SCAPER: variants seen among roughly 807,000 people sequenced by gnomAD.
The protein encoded by SCAPER is S phase cyclin A-associated protein in the endoplasmic reticulum.
A neutral mutation model predicts 182.2 loss-of-function variants in SCAPER; 98 were observed. That is an observed-to-expected ratio of 0.54 (90% confidence interval 0.46 to 0.64). The LOEUF (loss-of-function observed/expected upper bound fraction) is 0.64. SCAPER is among the 30% of genes least tolerant of loss of function. The pLI is 0.00. For missense variants in SCAPER, 1,432 were observed against 1,690.0 expected, an observed-to-expected ratio of 0.85 and a Z score of 2.68; for synonymous variants, 605 against 564.6, an observed-to-expected ratio of 1.07 and a Z score of -1.01.
intron 22 of SCAPER, among the ~76,000 whole-genome samples, chr15:76,607,205 A>G (rs2050505721): frequency 6.6e-6 from 1 of 152,218 alleles, no homozygotes; most frequent in South Asian, 2.1e-4. Flanking sequence ...CTTTTAGGGC[A>G]GGCCTGGTGG....
chr15:76,682,384 G>A (rs1157541120), intron 20 of SCAPER, among the ~76,000 whole-genome samples: 1 of 151,348 alleles, frequency 6.6e-6, no homozygotes, highest in Admixed American at 6.6e-5. Context: ...TGCCATCATT[G>A]CCAGTTTGAA....
chr15:76,441,241 CACAA>C (rs2047576899), intron 25 of SCAPER, among the ~76,000 whole-genome samples: 1 of 151,918 alleles, frequency 6.6e-6, no homozygotes, highest in South Asian at 2.1e-4. Context: ...CTTTTTATGC[CACAA>C]ACAATGTTAT....
intron 23 of SCAPER, among the ~76,000 whole-genome samples, chr15:76,537,591 G>C (rs1024594301): frequency 6.6e-6 from 1 of 152,018 alleles, no homozygotes; most frequent in Non-Finnish European, 1.5e-5. Context: ...AGACTTAAAG[G>C]TTAGACCTAA....
intron 2 of SCAPER, among the ~76,000 whole-genome samples, chr15:76,865,572 T>C (rs2072224878): frequency 6.6e-6 from 1 of 152,114 alleles, no homozygotes; most frequent in African/African-American, 2.4e-5. Context: ...TAGTATATCA[T>C]ACTTTCATAC....
intron 8 of SCAPER, among the ~76,000 whole-genome samples, chr15:76,785,048 A>G (rs756495478): frequency 3.9e-5 from 6 of 152,246 alleles, no homozygotes; most frequent in Non-Finnish European, 8.8e-5. Flanking sequence ...CTTAAACTAA[A>G]GAGCTTCTGC....
At chr15:76,681,685 G>A (rs1170103927) in intron 20 of SCAPER, among the ~76,000 whole-genome samples, 2 of 152,156 alleles carry the variant, frequency 1.3e-5, no homozygotes, top group African/African-American at 4.8e-5. Flanking sequence ...GATGAGTTGA[G>A]GAGGCAAGGA....
chr15:76,876,498 C>A (rs1403082479), intron 2 of SCAPER, among the ~76,000 whole-genome samples: 2 of 149,714 alleles, frequency 1.3e-5, no homozygotes, highest in Non-Finnish European at 3.0e-5. Flanking sequence ...CATAAACGTA[C>A]TTGCAAATTG....
In SCAPER at chr15:76,771,867, T is replaced by A; in HGVS notation, c.1123A>T (p.Ile375Phe). The stretch of plus-strand genomic sequence containing the variant: ...ATAACTGAAACACACTCTGTATCAA[T>A]GTGGACAGCAGATATTTCAGAAGTT... ...VRTSEISAVH[I>F]DTECVSVMLQ... The change falls in exon 10 of 32, where the codon ATT becomes TTT. Residue 375 changes from isoleucine (I) to phenylalanine (F), a missense_variant. Physicochemically the swap from Ile to Phe is conservative, Grantham distance 21 (BLOSUM62 0). Transcript: ENST00000563290. 1 of 1,613,196 alleles carries A rather than the reference T, an allele frequency of 6.2e-7. No homozygotes were observed. The highest frequency in any genetic ancestry group is 8.5e-7 in the Non-Finnish European group (1 of 1,179,408).
chr15:76,715,352 C>T (rs2059832422), intron 17 of SCAPER, among the ~76,000 whole-genome samples: 1 of 152,068 alleles, frequency 6.6e-6, no homozygotes, highest in Non-Finnish European at 1.5e-5. Context: ...TGGGGCTGAC[C>T]AGATATGGCA....
chr15:76,790,824 G>T (rs1380230863), intron 8 of SCAPER, among the ~76,000 whole-genome samples: 1 of 152,096 alleles, frequency 6.6e-6, no homozygotes, highest in Non-Finnish European at 1.5e-5. Flanking sequence ...CTCACCTATA[G>T]TTTATTTCAT....
chr15:76,729,094 C>T lies in SCAPER; in HGVS notation c.2023-357G>A, dbSNP rs116503506. Among the ~76,000 whole-genome samples, 334 of 152,160 alleles carry T rather than the reference C, an allele frequency of 2.2e-3. 1 individual carries two copies. The highest frequency in any genetic ancestry group is 7.7e-3 in the African/African-American group (320 of 41,524). ...ACTGGCCTAGCCTACCAGCCTACAT[C>T]CTTCAGCCGTGCTGGATGCTTCCTG... On this transcript the variant is annotated intron_variant, in intron 16 of 31. Coordinates refer to ENST00000563290, the MANE Select transcript of SCAPER (RefSeq NM_020843.4).
intron 25 of SCAPER, among the ~76,000 whole-genome samples, chr15:76,470,619 T>C (rs565606452): frequency 1.3e-5 from 2 of 152,312 alleles, no homozygotes; most frequent in South Asian, 4.1e-4. Flanking sequence ...TCCTGGCGAC[T>C]GCAGTTGACA....
intron 24 of SCAPER, among the ~76,000 whole-genome samples, chr15:76,492,775 T>C (rs1313180394): frequency 6.6e-6 from 1 of 151,514 alleles, no homozygotes; most frequent in Non-Finnish European, 1.5e-5. Flanking sequence ...TTTTAAAATG[T>C]AGAGAAAGAT....
At chr15:76,618,937 C>T (rs910769244) in intron 22 of SCAPER, among the ~76,000 whole-genome samples, 8 of 152,166 alleles carry the variant, frequency 5.3e-5, no homozygotes, top group East Asian at 1.9e-4. Flanking sequence ...CTCCACCTCC[C>T]GGGTTCGAGC....
chr15:76,442,031 ATATC>A (rs746850636), intron 25 of SCAPER, among the ~76,000 whole-genome samples: 3 of 151,896 alleles, frequency 2.0e-5, no homozygotes, highest in East Asian at 3.8e-4. Context: ...CCAGCATTAA[ATATC>A]TATCTATCTA....
chr15:76,552,643 G>A (rs775041121), intron 23 of SCAPER, among the ~76,000 whole-genome samples: 3 of 152,152 alleles, frequency 2.0e-5, no homozygotes, highest in Admixed American at 6.5e-5. Context: ...AGGGACAGCT[G>A]CACAGAAAAG....
chr15:76,402,874 C>A (rs949104952), intron 27 of SCAPER, among the ~76,000 whole-genome samples: 2 of 151,984 alleles, frequency 1.3e-5, no homozygotes, highest in African/African-American at 4.8e-5. Flanking sequence ...GTTTTTCCTA[C>A]AAAAAACAAG....
At chr15:76,476,562 G>A (rs536176071) in intron 24 of SCAPER, among the ~76,000 whole-genome samples, 9 of 147,802 alleles carry the variant, frequency 6.1e-5, no homozygotes, top group Admixed American at 1.4e-4. Flanking sequence ...CAGAGTAGCT[G>A]GATCTACAGG....
intron 17 of SCAPER, among the ~76,000 whole-genome samples, chr15:76,714,534 G>GGTGGTAGTAGTAGTAGTAGTAGTA (rs981246284): frequency 6.7e-6 from 1 of 149,394 alleles, no homozygotes; most frequent in African/African-American, 2.5e-5. Context: ...TAGTAGTAGT[G>GGTGGTAGTAGTAGTAGTAGTAGTA]GTAGTAGTAG....
Sources: allele counts gnomAD v4.1 joint callset (sites outside exome capture counted in the v4.1 genomes callset), GRCh38; gene constraint gnomAD v4.1.1; transcripts MANE v1.5; gene names NCBI Gene and HGNC (gene_info 2026-07-23, HGNC 2026-07-21).